Variants in MGA observed in about 807,000 individuals in gnomAD.
MGA encodes the protein MAX dimerization protein MGA.
MGA carries 40 observed loss-of-function variants against 261.1 expected under a neutral mutation model. The ratio of observed to expected loss-of-function variants is 0.15; its 90% confidence interval spans 0.12 to 0.20. The LOEUF (loss-of-function observed/expected upper bound fraction) is 0.20. MGA is among the 10% of genes least tolerant of loss of function. The pLI, the probability that MGA is intolerant of heterozygous loss-of-function variation, is 1.00. For synonymous variants in MGA, 1,302 were observed against 1,290.6 expected (o/e 1.01, Z -0.19); for missense variants, 3,397 against 3,630.5 (o/e 0.94, Z 1.65).
At chr15:41,761,704 A>T (rs1199045869) in intron 20 of MGA, 35 bp from the exon 21 acceptor site, 1 of 1,360,528 alleles carries the variant, frequency 7.4e-7, no homozygotes, top group South Asian at 1.3e-5. Flanking sequence ...GAAAGAGTGG[A>T]TCAATTTTCA....
At chr15:41,708,305 C>G (rs1209922208) in intron 7 of MGA, 97 bp downstream of exon 7, 1 of 893,034 alleles carries the variant, frequency 1.1e-6, no homozygotes, top group Admixed American at 2.8e-5. Flanking sequence ...CATTCCTTCT[C>G]GCCATGGGTT....
intron 1 of MGA, among the ~76,000 whole-genome samples, chr15:41,668,538 T>C (rs1298016297): frequency 1.3e-5 from 2 of 151,634 alleles, no homozygotes; most frequent in Non-Finnish European, 1.5e-5. Context: ...ATAATGAATA[T>C]ACTCTTTTGT....
rs745502068 is a variant in MGA at position 41,669,290 on chromosome 15, C to T, written c.396C>T (p.Asn132=). 1.2e-6 allele frequency: 2 copies of T among 1,613,810 alleles called. No individual in the cohort carries two copies. Among genetic ancestry groups the T allele is most frequent in the Non-Finnish European group, 1.7e-6 (2 of 1,179,884 alleles). ...TCATGGATATATCTCCTGTGGATAA[C>T]CATCGTTATAAGTGGAATGGTCGTT... is the stretch of plus-strand genomic sequence containing the variant. The change falls in exon 2 of 24, where the codon AAC becomes AAT. Residue 132 remains asparagine (N), a synonymous_variant. Coordinates refer to ENST00000219905, the MANE Select transcript of MGA (RefSeq NM_001164273.2).
chr15:41,647,382 G>C (rs2056955230), intron 1 of MGA, among the ~76,000 whole-genome samples: 1 of 152,136 alleles, frequency 6.6e-6, no homozygotes, highest in Non-Finnish European at 1.5e-5. Flanking sequence ...ACTAGACCCT[G>C]ATATTCATTT....
chr15:41,747,121 T>A (rs2062547538), intron 15 of MGA, among the ~76,000 whole-genome samples: 1 of 152,194 alleles, frequency 6.6e-6, no homozygotes, highest in Non-Finnish European at 1.5e-5. Context: ...AAATTTCTGC[T>A]TTTTCTTTTT....
At chr15:41,701,980 A>G (rs1183729693) in intron 5 of MGA, among the ~76,000 whole-genome samples, 1 of 150,966 alleles carries the variant, frequency 6.6e-6, no homozygotes, top group Admixed American at 6.6e-5. Context: ...TTTTTCCTCT[A>G]TTTTATTTTA....
intron 5 of MGA, among the ~76,000 whole-genome samples, chr15:41,701,173 C>CT (rs535143628): frequency 6.6e-6 from 1 of 152,092 alleles, no homozygotes; most frequent in Non-Finnish European, 1.5e-5. Flanking sequence ...TTCTCCCTAT[C>CT]TTTTTTTCTC....
chr15:41,659,517 C>G (rs2057286772), upstream of MGA, among the ~76,000 whole-genome samples: 1 of 152,172 alleles, frequency 6.6e-6, no homozygotes, highest in Admixed American at 6.5e-5. Flanking sequence ...TTACTGGTGT[C>G]AGGAGCACAG....
At chr15:41,759,577 AC>A (rs2063342096) in intron 19 of MGA, among the ~76,000 whole-genome samples, 1 of 150,922 alleles carries the variant, frequency 6.6e-6, no homozygotes, top group Admixed American at 6.6e-5. Context: ...GCTGGAAATT[AC>A]AGGTGTGAGC....
intron 1 of MGA, among the ~76,000 whole-genome samples, chr15:41,644,617 C>T (rs1342120014): frequency 6.6e-6 from 1 of 151,986 alleles, no homozygotes; most frequent in African/African-American, 2.4e-5. Flanking sequence ...CGAGACTGTA[C>T]CACTGCCCTC....
At chr15:41,751,698 T>G (rs2062842202) in intron 17 of MGA, 1 of 151,858 alleles carries the variant, frequency 6.6e-6, no homozygotes, top group African/African-American at 2.4e-5. Flanking sequence ...CACTCCAGCC[T>G]GGGCGACAAG....
chr15:41,675,593 G>A (rs550655784), intron 2 of MGA, among the ~76,000 whole-genome samples: 10 of 152,168 alleles, frequency 6.6e-5, no homozygotes, highest in South Asian at 2.1e-4. Context: ...GGCCAGGCTC[G>A]TCTCAAACTC....
chr15:41,712,798 C>T (rs566522624), intron 8 of MGA, among the ~76,000 whole-genome samples: 5 of 152,250 alleles, frequency 3.3e-5, no homozygotes, highest in South Asian at 4.1e-4. Context: ...GTTCTTCAGA[C>T]GGTATGTGTA....
At chr15:41,761,050 C>T (rs1050771984) in intron 20 of MGA, among the ~76,000 whole-genome samples, 11 of 152,234 alleles carry the variant, frequency 7.2e-5, no homozygotes, top group African/African-American at 2.7e-4. Context: ...GGATTACTGG[C>T]ATGAGCCACT....
At chr15:41,657,939 A>G (rs1188441066), upstream of MGA, among the ~76,000 whole-genome samples, 1 of 152,150 alleles carries the variant, frequency 6.6e-6, no homozygotes, top group African/African-American at 2.4e-5. Context: ...AGTTGTGCCA[A>G]TCTTTGGGGT....
chr15:41,762,352 C>G lies in MGA; in HGVS notation c.7734C>G (p.Asp2578Glu), dbSNP rs750938223. The G allele has an allele frequency of 1.9e-6, 3 of 1,612,832 alleles. No homozygotes were observed. Among genetic ancestry groups the G allele is most frequent in the Non-Finnish European group, 2.5e-6 (3 of 1,179,362 alleles). ...CTTTGATTCTTTCCAGAAAAAAAGA[C>G]CAGGCCACAGGTAGGAGGGACATTC... Residue 2578 changes from aspartate to glutamate, a missense_variant, in exon 22 of 24, where the codon GAC becomes GAG. Coordinates refer to ENST00000219905, the MANE Select transcript of MGA (RefSeq NM_001164273.2).
Position 41,749,145 on chromosome 15 carries a change from C to G in MGA, c.5538C>G (p.Ser1846=). 2 of 1,613,852 alleles carry G rather than the reference C, an allele frequency of 1.2e-6. No homozygotes were observed. Among genetic ancestry groups the G allele is most frequent in the Non-Finnish European group, 1.7e-6 (2 of 1,179,796 alleles). The change falls in exon 17 of 24, where the codon TCC becomes TCG. Residue 1846 remains serine, a synonymous_variant. Transcript: ENST00000219905. ...TGGGAATCCGGTTACCTGCTCCTTCCAAACCCTCTGAGACTCCGCCATCTT... is the reference window on the plus strand; with the variant it reads ...TGGGAATCCGGTTACCTGCTCCTTCGAAACCCTCTGAGACTCCGCCATCTT...
intron 21 of MGA, 92 bp from the exon 22 acceptor site, chr15:41,762,037 G>A (rs2063488432): frequency 2.6e-6 from 3 of 1,149,930 alleles, no homozygotes; most frequent in Admixed American, 2.5e-5. Flanking sequence ...TAGTTTTTGG[G>A]AATATAGTTA....
At chr15:41,704,564 A>T (rs137986986) in intron 5 of MGA, among the ~76,000 whole-genome samples, 10 of 152,328 alleles carry the variant, frequency 6.6e-5, no homozygotes, top group Admixed American at 3.9e-4. Flanking sequence ...AGGCTGAAGC[A>T]GGAGAATGGC....
Sources: gnomAD v4.1 joint callset for allele counts (sites outside exome capture counted in the v4.1 genomes callset) on GRCh38, gnomAD v4.1.1 for gene constraint, MANE v1.5 for transcripts, NCBI Gene and HGNC (gene_info 2026-07-23, HGNC 2026-07-21) for gene names.